The following ANKS1B variants were observed in gnomAD, a reference collection of about 807,000 sequenced individuals.
ANKS1B encodes ankyrin repeat and sterile alpha motif domain containing 1B.
In ANKS1B, 36 loss-of-function variants were observed where a neutral mutation model predicts 148.3. The ratio of observed to expected loss-of-function variants is 0.24; its 90% confidence interval spans 0.19 to 0.32. ANKS1B has a LOEUF of 0.32. Ranked by LOEUF, ANKS1B falls within the 10% of genes least tolerant of loss-of-function variation. The pLI is 1.00. For synonymous variants in ANKS1B, 542 were observed against 560.8 expected (o/e 0.97, Z 0.47); for missense variants, 1,157 against 1,542.6 (o/e 0.75, Z 4.19).
intron 8 of ANKS1B, among the ~76,000 whole-genome samples, chr12:99,758,437 T>C (rs1292902396): frequency 1.3e-5 from 2 of 151,938 alleles, no homozygotes; most frequent in Non-Finnish European, 2.9e-5. Context: ...TCGTTTAGTG[T>C]GTAATCTGTG....
At chr12:99,216,760 T>A (rs10507113) in intron 14 of ANKS1B, among the ~76,000 whole-genome samples, 10,836 of 152,258 alleles carry the variant, frequency 0.071, 805 homozygotes, top group African/African-American at 0.19. Context: ...CTTCCAGGAT[T>A]TCATAACTGA....
chr12:99,719,257 T>G (rs2057802760), intron 8 of ANKS1B, among the ~76,000 whole-genome samples: 1 of 152,194 alleles, frequency 6.6e-6, no homozygotes, highest in Non-Finnish European at 1.5e-5. Flanking sequence ...TCCTCACACC[T>G]GACACATATA....
At chr12:99,182,577 T>A (rs1466910581) in intron 14 of ANKS1B, among the ~76,000 whole-genome samples, 1 of 152,188 alleles carries the variant, frequency 6.6e-6, no homozygotes, top group Non-Finnish European at 1.5e-5. Context: ...GGACACTTGG[T>A]TTTTTCCAAA....
intron 12 of ANKS1B, among the ~76,000 whole-genome samples, chr12:99,378,668 A>AAAAG (rs2093501286): frequency 6.8e-6 from 1 of 146,200 alleles, no homozygotes; most frequent in African/African-American, 2.6e-5. Flanking sequence ...AAAAAAAAAA[A>AAAAG]AAAAAGAAAA....
At chr12:99,591,244 AT>A (rs1200988411) in intron 9 of ANKS1B, among the ~76,000 whole-genome samples, 1 of 152,068 alleles carries the variant, frequency 6.6e-6, no homozygotes, top group Non-Finnish European at 1.5e-5. Context: ...ACTTTAAAAA[AT>A]TTATCTCGTT....
At chr12:98,780,834 C>T (rs971293555) in intron 24 of ANKS1B, among the ~76,000 whole-genome samples, 11 of 152,086 alleles carry the variant, frequency 7.2e-5, no homozygotes, top group African/African-American at 2.7e-4. Flanking sequence ...TAATAAGTGG[C>T]CACAGTCTAT....
At chr12:99,099,045 T>C (rs534541726) in intron 15 of ANKS1B, among the ~76,000 whole-genome samples, 6 of 152,240 alleles carry the variant, frequency 3.9e-5, no homozygotes, top group East Asian at 1.9e-4. Context: ...ACCCTCTTCA[T>C]TGGTCTCTCT....
chr12:99,702,261 C>A (rs539603346), intron 8 of ANKS1B, among the ~76,000 whole-genome samples: 5 of 152,108 alleles, frequency 3.3e-5, no homozygotes, highest in East Asian at 3.9e-4. Flanking sequence ...TATCTCATTG[C>A]GGATTTATTT....
intron 12 of ANKS1B, among the ~76,000 whole-genome samples, chr12:99,345,207 T>C (rs1489971922): frequency 6.6e-6 from 1 of 152,112 alleles, no homozygotes; most frequent in Non-Finnish European, 1.5e-5. Context: ...AAATTGTTAC[T>C]ATGCCAATCA....
intron 9 of ANKS1B, among the ~76,000 whole-genome samples, chr12:99,633,129 G>A (rs934757715): frequency 6.6e-6 from 1 of 151,732 alleles, no homozygotes; most frequent in Non-Finnish European, 1.5e-5. Context: ...TGGTGTATAT[G>A]TGCCACATTT....
intron 10 of ANKS1B, among the ~76,000 whole-genome samples, chr12:99,474,718 A>G (rs1290011633): frequency 6.6e-6 from 1 of 152,066 alleles, no homozygotes; most frequent in Non-Finnish European, 1.5e-5. Flanking sequence ...AGAAATTTAT[A>G]AAGCAATTGT....
chr12:98,953,394 C>T (rs976159430), intron 17 of ANKS1B, among the ~76,000 whole-genome samples: 2 of 152,048 alleles, frequency 1.3e-5, no homozygotes, highest in African/African-American at 4.8e-5. Flanking sequence ...TTCAAGTGAT[C>T]CTCCTGTCTT....
chr12:99,343,350 T>C (rs1028321722), intron 12 of ANKS1B, among the ~76,000 whole-genome samples: 4 of 152,094 alleles, frequency 2.6e-5, no homozygotes, highest in Non-Finnish European at 5.9e-5. Flanking sequence ...ATTTGAAGTT[T>C]GTTTTTTTAC....
At chr12:99,321,949 TG>T (rs1490642769) in intron 12 of ANKS1B, among the ~76,000 whole-genome samples, 1 of 152,202 alleles carries the variant, frequency 6.6e-6, no homozygotes, top group Non-Finnish European at 1.5e-5. Context: ...GACAGTATGG[TG>T]ATTCCTCAAA....
chr12:99,009,323 A>G (rs2099937936), intron 17 of ANKS1B, among the ~76,000 whole-genome samples: 1 of 152,180 alleles, frequency 6.6e-6, no homozygotes, highest in Non-Finnish European at 1.5e-5. Context: ...AGAAGAATCA[A>G]TTTCTGATAC....
intron 12 of ANKS1B, among the ~76,000 whole-genome samples, chr12:99,328,628 A>T (rs1001350221): frequency 2.0e-5 from 3 of 151,948 alleles, no homozygotes; most frequent in Admixed American, 1.3e-4. Flanking sequence ...AGTCAATTTC[A>T]TCCCAAAAAA....
intron 17 of ANKS1B, among the ~76,000 whole-genome samples, chr12:98,936,438 C>T (rs1265015312): frequency 6.6e-6 from 1 of 152,036 alleles, no homozygotes; most frequent in Non-Finnish European, 1.5e-5. Flanking sequence ...ACCATCCTGG[C>T]CAACATGTTG....
At chr12:99,320,850 T>G (rs528856156) in intron 12 of ANKS1B, among the ~76,000 whole-genome samples, 1 of 152,274 alleles carries the variant, frequency 6.6e-6, no homozygotes, top group Admixed American at 6.5e-5. Context: ...CTTTGGTCTT[T>G]GATGATAGTG....
chr12:98,986,409 G>T (rs752185655), intron 17 of ANKS1B, among the ~76,000 whole-genome samples: 1 of 151,274 alleles, frequency 6.6e-6, no homozygotes, highest in Non-Finnish European at 1.5e-5. Flanking sequence ...TTGTATTTTA[G>T]TTTAGATAAT....
Sources: allele counts gnomAD v4.1 joint callset (sites outside exome capture counted in the v4.1 genomes callset), GRCh38; gene constraint gnomAD v4.1.1; transcripts MANE v1.5; gene names NCBI Gene and HGNC (gene_info 2026-07-23, HGNC 2026-07-21).